The following GRIP2 variants were observed in gnomAD, a reference collection of about 807,000 sequenced individuals.
GRIP2 encodes the protein glutamate receptor-interacting protein 2.
Under a neutral mutation model 108.3 loss-of-function variants are expected in GRIP2, and 58 were observed. The observed-to-expected ratio is 0.54, with a 90% confidence interval of 0.43 to 0.67. GRIP2 has a LOEUF of 0.67. Among genes scored for constraint, GRIP2 ranks in the 30% least tolerant of loss-of-function variants. The pLI is 0.00. For missense variants in GRIP2, 1,278 were observed against 1,430.6 expected, an observed-to-expected ratio of 0.89 and a Z score of 1.72; for synonymous variants, 586 against 598.2, an observed-to-expected ratio of 0.98 and a Z score of 0.30.
chr3:14,511,594 C>A lies in GRIP2; in HGVS notation c.1721-115G>T. On this transcript the variant is annotated intron_variant, in intron 14 of 23. Transcript: ENST00000621039. This position sits in a 1 kb window ranked among gnomAD's most constrained non-coding sequence, Gnocchi z 4.1. ...CCACTGGTCCTACTCACATCCTGGT[C>A]CCACTGCTTCCTGGCTGGGTGACCG... The A allele has an allele frequency of 1.1e-6, 1 of 937,606 alleles. No individual in the cohort carries two copies. Among genetic ancestry groups the A allele is most frequent in the Non-Finnish European group, 1.7e-6 (1 of 604,164 alleles). The allele number at this position is 937,606 out of a possible 1,614,324, so 58.1% of individuals were successfully genotyped here.
the GRIP2 span, among the ~76,000 whole-genome samples, chr3:14,582,808 T>A: frequency 6.6e-6 from 1 of 152,240 alleles, no homozygotes; most frequent in Non-Finnish European, 1.5e-5. Flanking sequence ...CTAATTAGCA[T>A]GCACATCTGT....
At position 14,523,598 on chromosome 3, in the gene GRIP2, A is replaced by C; in HGVS notation, c.490+14T>G. The C allele has an allele frequency of 6.3e-7, 1 of 1,579,760 alleles. No individual in the cohort carries two copies. Among genetic ancestry groups the C allele is most frequent in the Admixed American group, 1.7e-5 (1 of 59,188 alleles). On this transcript the variant is annotated intron_variant, in intron 5 of 23. Coordinates refer to ENST00000621039, the MANE Select transcript of GRIP2 (RefSeq NM_001080423.4). The stretch of plus-strand genomic sequence containing the variant: ...TCTTGCTGCCCCAATACCAAGGGCA[A>C]TTCTTTCACTGACCTCTAAGGACAA...
chr3:14,565,568 A>T, the GRIP2 span, among the ~76,000 whole-genome samples: 1 of 151,522 alleles, frequency 6.6e-6, no homozygotes, highest in African/African-American at 2.4e-5. Flanking sequence ...CCACACCCCA[A>T]GTCCCGAAGG....
Position 14,492,811 on chromosome 3 carries a change from G to A in GRIP2, c.*854C>T, listed in dbSNP as rs887366448. 4.6e-5 allele frequency: 7 copies of A among 152,376 alleles called. No individual in the cohort carries two copies. The East Asian group carries it at 7.7e-4, about 17-fold the overall frequency. 9.4% of individuals were successfully genotyped at this position (152,376 alleles called of 1,614,324 possible). A position where few individuals can be genotyped will look rare whatever the true frequency, so the allele number is the denominator to read the frequency against. On this transcript the variant is annotated 3_prime_UTR_variant, in exon 24 of 24. Coordinates refer to ENST00000621039, the MANE Select transcript of GRIP2 (RefSeq NM_001080423.4). ...CGTGCAGATGGGTCAGTGGCCACAC[G>A]GCCTACAGAAGAAGCAGGAGGGCTG...
Position 14,512,632 on chromosome 3 carries a change from A to T in GRIP2, c.1720+145T>A. 1.4e-6 allele frequency: 1 copy of T among 699,186 alleles called. No homozygotes were observed. The highest frequency in any genetic ancestry group is 2.4e-6 in the Non-Finnish European group (1 of 416,406). 43.3% of individuals were successfully genotyped at this position (699,186 alleles called of 1,614,324 possible). Reference sequence around the variant, plus strand: ...GAGAACACGCAGCTGGGTCCACGGAAGCCAGCCTCCCCACACCCCCAAGCC... The same window carrying T: ...GAGAACACGCAGCTGGGTCCACGGATGCCAGCCTCCCCACACCCCCAAGCC... On this transcript the variant is annotated intron_variant, in intron 14 of 23. Coordinates refer to ENST00000621039, the MANE Select transcript of GRIP2 (RefSeq NM_001080423.4). The surrounding 1 kb of genome is among the most constrained non-coding windows in gnomAD (Gnocchi z 5.1).
At chr3:14,601,074 A>T in the GRIP2 span, among the ~76,000 whole-genome samples, 2 of 151,636 alleles carry the variant, frequency 1.3e-5, no homozygotes, top group Non-Finnish European at 2.9e-5. Context: ...TCTCACACAC[A>T]CACACACACA....
At chr3:14,554,791 G>A (rs1031449183) in intron 1 of GRIP2, among the ~76,000 whole-genome samples, 14 of 152,244 alleles carry the variant, frequency 9.2e-5, no homozygotes, top group African/African-American at 2.6e-4. Flanking sequence ...TTACTTAACC[G>A]CTCTGTGCCT....
In GRIP2 at chr3:14,512,711, G is replaced by A; in HGVS notation, c.1720+66C>T. ...CCATGGAAATGCTGGTCTGAGCTTGGCAAGCTCTTTTTCCCCAGCAGTTGA... is the reference window on the plus strand; with the variant it reads ...CCATGGAAATGCTGGTCTGAGCTTGACAAGCTCTTTTTCCCCAGCAGTTGA... On this transcript the variant is annotated intron_variant, in intron 14 of 23. Transcript: ENST00000621039. This position sits in a 1 kb window ranked among gnomAD's most constrained non-coding sequence, Gnocchi z 5.1. 1 of 1,469,278 alleles carries A rather than the reference G, an allele frequency of 6.8e-7. No homozygotes were observed. The highest frequency in any genetic ancestry group is 1.7e-5 in the Admixed American group (1 of 57,716). 91.0% of individuals were successfully genotyped at this position (1,469,278 alleles called of 1,614,324 possible). A position where few individuals can be genotyped will look rare whatever the true frequency, so the allele number is the denominator to read the frequency against.
At chr3:14,582,119 C>T in the GRIP2 span, among the ~76,000 whole-genome samples, 8 of 152,322 alleles carry the variant, frequency 5.3e-5, no homozygotes, top group East Asian at 1.5e-3. Context: ...CAGTTATACT[C>T]CCACTGCAGG....
the GRIP2 span, among the ~76,000 whole-genome samples, chr3:14,567,348 G>A: frequency 6.6e-6 from 1 of 152,274 alleles, no homozygotes; most frequent in African/African-American, 2.4e-5. Context: ...CTGCAGCATG[G>A]GATCCCGCTC....
the GRIP2 span, among the ~76,000 whole-genome samples, chr3:14,602,443 G>C: frequency 1.3e-5 from 2 of 152,036 alleles, no homozygotes; most frequent in African/African-American, 2.4e-5. This position sits in a 1 kb window ranked among gnomAD's most constrained non-coding sequence, Gnocchi z 4.7. Context: ...GGAAAGTTGG[G>C]TGCGACGGAC....
chr3:14,575,923 G>C, the GRIP2 span, among the ~76,000 whole-genome samples: 1 of 152,362 alleles, frequency 6.6e-6, no homozygotes, highest in East Asian at 1.9e-4. Context: ...GCCAGGACAG[G>C]CTTGGGTAGG....
At chr3:14,499,490 C>T (rs1201409194) in intron 21 of GRIP2, among the ~76,000 whole-genome samples, 8 of 151,824 alleles carry the variant, frequency 5.3e-5, no homozygotes, top group African/African-American at 9.7e-5. Flanking sequence ...CCAAGGCGGG[C>T]GGATCGCCAG....
the GRIP2 span, among the ~76,000 whole-genome samples, chr3:14,566,917 G>T: frequency 6.6e-6 from 1 of 152,036 alleles, no homozygotes; most frequent in African/African-American, 2.4e-5. Context: ...TGGAGGTGGG[G>T]TCCAATAATC....
intron 1 of GRIP2, among the ~76,000 whole-genome samples, chr3:14,553,268 C>T (rs1443466877): frequency 6.6e-6 from 1 of 152,044 alleles, no homozygotes; most frequent in Non-Finnish European, 1.5e-5. Context: ...CTACCACGTT[C>T]AGCTAATTTT....
At chr3:14,525,647 G>T (rs1269618740) in intron 2 of GRIP2, 75 bp from the exon 3 acceptor site, 113 of 1,566,752 alleles carry the variant, frequency 7.2e-5, no homozygotes, top group Non-Finnish European at 9.8e-5. Context: ...AGATAAGCGA[G>T]GCGAGCACCT....
At position 14,505,692 on chromosome 3, in the gene GRIP2, C is replaced by T. The variant is rs1357976899; in HGVS notation, c.2496G>A (p.Arg832=). 2.5e-6 allele frequency: 4 copies of T among 1,602,004 alleles called. No individual in the cohort carries two copies. Among genetic ancestry groups the T allele is most frequent in the Non-Finnish European group, 3.4e-6 (4 of 1,174,412 alleles). The change falls in exon 20 of 24, where the codon AGG becomes AGA. Residue 832 remains arginine (R), a synonymous_variant. Transcript: ENST00000621039. This position sits in a 1 kb window ranked among gnomAD's most constrained non-coding sequence, Gnocchi z 4.2. ...CAGCTGGGGTTGGGGTATAGCTCGT[C>T]CTCCGGGGCTCGGTGGGTGGGGGGC... ...RGSPPPTEPR[R]TSYTPTPADE... is the part of the protein sequence containing the mutation.
chr3:14,516,765 G>A (rs1297395479), intron 11 of GRIP2, among the ~76,000 whole-genome samples: 2 of 152,124 alleles, frequency 1.3e-5, no homozygotes, highest in African/African-American at 4.8e-5. Flanking sequence ...ATGCACATCT[G>A]AAAAGACTTC....
intron 17 of GRIP2, among the ~76,000 whole-genome samples, chr3:14,508,861 G>C (rs977642291): frequency 4.6e-5 from 7 of 152,094 alleles, no homozygotes; most frequent in African/African-American, 1.7e-4. Flanking sequence ...GTGGCTACTA[G>C]AAAGTGTCTG....
Sources: allele counts gnomAD v4.1 joint callset (sites outside exome capture counted in the v4.1 genomes callset), GRCh38; gene constraint gnomAD v4.1.1; non-coding constraint Gnocchi (gnomAD v3.1); transcripts MANE v1.5; gene names NCBI Gene and HGNC (gene_info 2026-07-23, HGNC 2026-07-21).